The following SLC14A2 variants were observed in gnomAD, a reference collection of about 807,000 sequenced individuals.
The protein encoded by SLC14A2 is urea transporter 2.
SLC14A2 carries 91 observed loss-of-function variants against 104.6 expected under a neutral mutation model. The ratio of observed to expected loss-of-function variants is 0.87; its 90% CI spans 0.73 to 1.04. SLC14A2 has a LOEUF of 1.04. Among genes scored for constraint, SLC14A2 ranks in the 50% least tolerant of loss-of-function variants. The pLI is 0.00. For missense variants in SLC14A2, 1,189 were observed against 1,156.0 expected (o/e 1.03, Z -0.41); for synonymous variants, 476 against 466.4 (o/e 1.02, Z -0.27).
intron 10 of SLC14A2, among the ~76,000 whole-genome samples, chr18:45,661,752 G>A (rs899794675): frequency 2.6e-5 from 4 of 152,234 alleles, no homozygotes; most frequent in African/African-American, 9.6e-5. Flanking sequence ...TCTGGGGAAT[G>A]GCACTATGGG....
chr18:45,212,003 ATTAG>A (rs1222803911), upstream of SLC14A2, among the ~76,000 whole-genome samples: 2 of 152,214 alleles, frequency 1.3e-5, no homozygotes, highest in Non-Finnish European at 2.9e-5. Flanking sequence ...CTACTTTAAA[ATTAG>A]TTAATATTCT....
chr18:45,253,255 C>T (rs186637542), intron 1 of SLC14A2, among the ~76,000 whole-genome samples: 4 of 152,282 alleles, frequency 2.6e-5, no homozygotes, highest in African/African-American at 9.6e-5. Flanking sequence ...AGAACACTTG[C>T]TCCAACACAG....
chr18:45,620,360 G>A (rs1198257506), intron 1 of SLC14A2, among the ~76,000 whole-genome samples: 1 of 152,198 alleles, frequency 6.6e-6, no homozygotes, highest in East Asian at 1.9e-4. Flanking sequence ...ATGTCACAAT[G>A]AGGTGAGCTT....
chr18:45,371,718 G>A (rs542228308), intron 1 of SLC14A2, among the ~76,000 whole-genome samples: 117 of 152,274 alleles, frequency 7.7e-4, no homozygotes, highest in South Asian at 1.0e-3. Flanking sequence ...AATGCCCATT[G>A]TGCAAATCTA....
At chr18:45,377,378 C>G (rs952957134) in intron 1 of SLC14A2, among the ~76,000 whole-genome samples, 1 of 152,096 alleles carries the variant, frequency 6.6e-6, no homozygotes, top group Admixed American at 6.5e-5. Context: ...GGCATCTACT[C>G]CAATGACTTT....
chr18:45,220,895 T>G (rs2084055170), intron 1 of SLC14A2, among the ~76,000 whole-genome samples: 1 of 152,192 alleles, frequency 6.6e-6, no homozygotes, highest in Non-Finnish European at 1.5e-5. Flanking sequence ...GAGGGCTACC[T>G]CCTCACAATG....
chr18:45,364,526 G>GT (rs1446559244), intron 1 of SLC14A2, among the ~76,000 whole-genome samples: 1 of 152,172 alleles, frequency 6.6e-6, no homozygotes, highest in East Asian at 1.9e-4. Flanking sequence ...ATACACCTAT[G>GT]TATACATATG....
At chr18:45,532,748 G>T (rs2043715354) in intron 2 of SLC14A2, among the ~76,000 whole-genome samples, 1 of 152,134 alleles carries the variant, frequency 6.6e-6, no homozygotes, top group African/African-American at 2.4e-5. Flanking sequence ...AATAGGAGTG[G>T]TGAGAGAGAG....
At chr18:45,453,323 A>G (rs773925354) in intron 1 of SLC14A2, among the ~76,000 whole-genome samples, 11 of 152,200 alleles carry the variant, frequency 7.2e-5, no homozygotes, top group Non-Finnish European at 1.5e-4. Context: ...AGCAGGAACT[A>G]GGGCAAACCA....
chr18:45,600,814 T>C (rs1488317928), intron 2 of SLC14A2, among the ~76,000 whole-genome samples: 2 of 152,210 alleles, frequency 1.3e-5, no homozygotes, highest in Non-Finnish European at 1.5e-5. Flanking sequence ...TTCAAGCTTT[T>C]AAATAATTGA....
chr18:45,627,034 C>T lies in SLC14A2; in HGVS notation c.408C>T (p.Leu136=), dbSNP rs757323552. Residue 136 remains leucine, a synonymous_variant, in exon 4 of 20, where the codon CTC becomes CTT. Transcript: ENST00000255226. ...AGGTGATGTTCATCAACAATCCTCT[C>T]AGCGGCCTCATCATCTTCATAGGGC... ...TAQVMFINNP[L]SGLIIFIGLL... The T allele has an allele frequency of 8.1e-6, 13 of 1,613,346 alleles. No individual in the cohort carries two copies. The highest frequency in any genetic ancestry group is 1.1e-5 in the Non-Finnish European group (13 of 1,179,942).
chr18:45,405,096 C>T lies in SLC14A2; in HGVS notation c.-124-78137C>T, dbSNP rs147516496. On this transcript the variant is annotated intron_variant, in intron 1 of 20. Coordinates refer to the SLC14A2 transcript ENST00000586448. The stretch of plus-strand genomic sequence containing the variant: ...GTGGCATTTTGCAACTCCATGGTAA[C>T]GTGCTTACCTTGAAAGAAGCCCTCC... Among the ~76,000 whole-genome samples, 1,493 of 152,196 alleles carry T rather than the reference C, an allele frequency of 9.8e-3. 16 individuals carry two copies. Among genetic ancestry groups the T allele is most frequent in the Middle Eastern group, 0.051 (15 of 294 alleles).
chr18:45,469,751 A>G (rs1433068226), intron 1 of SLC14A2, among the ~76,000 whole-genome samples: 1 of 152,190 alleles, frequency 6.6e-6, no homozygotes, highest in East Asian at 1.9e-4. Flanking sequence ...GAGAAAGGAA[A>G]CGGCATGGAC....
chr18:45,499,932 T>C (rs2043165026), intron 2 of SLC14A2, among the ~76,000 whole-genome samples: 1 of 152,216 alleles, frequency 6.6e-6, no homozygotes, highest in Admixed American at 6.5e-5. Context: ...CGTGCATTAA[T>C]TGAACTCTGT....
At chr18:45,221,831 C>T (rs2143994579) in intron 1 of SLC14A2, among the ~76,000 whole-genome samples, 1 of 152,036 alleles carries the variant, frequency 6.6e-6, no homozygotes, top group South Asian at 2.1e-4. Context: ...AAAGGGTCTT[C>T]AACCTAGCCC....
intron 2 of SLC14A2, among the ~76,000 whole-genome samples, chr18:45,607,677 T>C (rs2044894140): frequency 1.3e-5 from 2 of 152,194 alleles, no homozygotes; most frequent in East Asian, 3.8e-4. Flanking sequence ...ACACTTATTA[T>C]CTTCTTAATG....
intron 1 of SLC14A2, among the ~76,000 whole-genome samples, chr18:45,368,714 G>A (rs180964674): frequency 9.3e-4 from 142 of 152,300 alleles, no homozygotes; most frequent in African/African-American, 3.0e-3. Flanking sequence ...AAGTGGAGAC[G>A]AAAGGGCTCA....
chr18:45,305,630 C>T (rs1171892459), intron 1 of SLC14A2, among the ~76,000 whole-genome samples: 1 of 152,250 alleles, frequency 6.6e-6, no homozygotes, highest in African/African-American at 2.4e-5. Context: ...CTCAATTAGA[C>T]CTGGCATCTC....
intron 1 of SLC14A2, among the ~76,000 whole-genome samples, chr18:45,215,096 G>T (rs2083998230): frequency 6.6e-6 from 1 of 152,124 alleles, no homozygotes; most frequent in Admixed American, 6.6e-5. Context: ...CTTCTTAAAA[G>T]ATGAGAAGAC....
Sources: gnomAD v4.1 joint callset for allele counts (sites outside exome capture counted in the v4.1 genomes callset) on GRCh38, gnomAD v4.1.1 for gene constraint, MANE v1.5 for transcripts, NCBI Gene and HGNC (gene_info 2026-07-23, HGNC 2026-07-21) for gene names.